ATAD2: variants seen among roughly 807,000 people sequenced by gnomAD.
ATAD2 encodes the protein ATPase family AAA domain containing 2.
In ATAD2, 62 loss-of-function variants were observed where a neutral mutation model predicts 168.9. The observed-to-expected ratio is 0.37, with a 90% CI of 0.30 to 0.45. ATAD2 has a LOEUF of 0.45. Among genes scored for constraint, ATAD2 ranks in the 20% least tolerant of loss-of-function variants. The pLI is 1.00. For missense variants in ATAD2, 1,419 were observed against 1,667.8 expected (o/e 0.85, Z 2.60); for synonymous variants, 613 against 571.6 (o/e 1.07, Z -1.03).
At chr8:123,386,993 G>A (rs996535188) in intron 1 of ATAD2, among the ~76,000 whole-genome samples, 7 of 151,168 alleles carry the variant, frequency 4.6e-5, no homozygotes, top group African/African-American at 7.3e-5. Context: ...TTCAAAAACA[G>A]TTCTAACAAA....
Position 123,396,252 on chromosome 8 carries a change from G to C in ATAD2, c.106C>G (p.Arg36Gly), listed in dbSNP as rs775076861. 3.1e-6 allele frequency: 5 copies of C among 1,609,180 alleles called. No individual in the cohort carries two copies. The highest frequency in any genetic ancestry group is 4.2e-6 in the Non-Finnish European group (5 of 1,179,204). Residue 36 changes from arginine to glycine, a missense_variant, in exon 1 of 28, where the codon CGG (arginine) becomes GGG (glycine). By Grantham distance (125) the Arg-to-Gly change is moderately radical (BLOSUM62 -2). Transcript: ENST00000287394. ...SDFLSLEHIG[R>G]RRLRSAGAAQ... ...GCGCCGGCCGAGCGGAGCCGCCTCC[G>C]GCCGATGTGCTCCAGACTGAGGAAG...
rs964770101 is a variant in ATAD2, at chr8:123,347,073, G to C, written c.2212+19C>G. 16 of 1,573,886 alleles carry C rather than the reference G, an allele frequency of 1.0e-5. No homozygotes were observed. The highest frequency in any genetic ancestry group is 3.5e-5 in the South Asian group (3 of 85,924). ...CTGATTATAAAAACTAACTTTAAAT[G>C]GTCAATCAAGTTTTATACCTGAGTC... is the stretch of plus-strand genomic sequence containing the variant. On this transcript the variant is annotated intron_variant, in intron 16 of 27. Coordinates refer to ENST00000287394, the MANE Select transcript of ATAD2 (RefSeq NM_014109.4).
chr8:123,405,866 A>T (rs1813062133), intron 1 of ATAD2, among the ~76,000 whole-genome samples: 1 of 152,242 alleles, frequency 6.6e-6, no homozygotes, highest in Admixed American at 6.5e-5. Context: ...AGGTTCAAAT[A>T]TCACTTCTAC....
chr8:123,370,134 CCT>C, intron 6 of ATAD2, 110 bp from the exon 7 acceptor site: 1 of 895,676 alleles, frequency 1.1e-6, no homozygotes, highest in African/African-American at 1.7e-5. Flanking sequence ...CTTATCTACT[CCT>C]AAAAAAAAAA....
rs185658829 is a variant in ATAD2 at position 123,375,847 on chromosome 8, G to A, written c.321-3161C>T. Among the ~76,000 whole-genome samples the A allele has an allele frequency of 1.6e-3, 249 of 152,126 alleles. 1 individual carries two copies. The highest frequency in any genetic ancestry group is 6.1e-3 in the Admixed American group (93 of 15,276). On this transcript the variant is annotated intron_variant, in intron 2 of 27. Transcript: ENST00000287394. ...TTAGTGGCTGGGTGCAGTGGCTTAT[G>A]CCTGTAATCCCAGCACTTTGGGGGC...
intron 8 of ATAD2, among the ~76,000 whole-genome samples, chr8:123,364,459 A>C (rs1174024268): frequency 1.3e-5 from 2 of 152,212 alleles, no homozygotes; most frequent in African/African-American, 4.8e-5. Flanking sequence ...AAAACTAGGA[A>C]AGGACATAAC....
chr8:123,331,441 T>A (rs763436869), intron 24 of ATAD2, among the ~76,000 whole-genome samples: 1 of 152,014 alleles, frequency 6.6e-6, no homozygotes, highest in Non-Finnish European at 1.5e-5. Context: ...GGTTTCACTG[T>A]GTTGACCAGG....
intron 27 of ATAD2, among the ~76,000 whole-genome samples, chr8:123,321,478 A>C (rs989273526): frequency 6.0e-5 from 9 of 151,188 alleles, no homozygotes; most frequent in African/African-American, 2.2e-4. Flanking sequence ...AGGTATCAAT[A>C]TTATATATAT....
At chr8:123,389,782 C>T (rs1809565251) in intron 1 of ATAD2, among the ~76,000 whole-genome samples, 1 of 149,678 alleles carries the variant, frequency 6.7e-6, no homozygotes, top group Non-Finnish European at 1.5e-5. Context: ...CTAATACCAC[C>T]TTAACTTAAA....
intron 18 of ATAD2, among the ~76,000 whole-genome samples, chr8:123,345,323 C>G (rs1265621279): frequency 6.6e-6 from 1 of 151,886 alleles, no homozygotes; most frequent in African/African-American, 2.4e-5. Flanking sequence ...TTGTGGTAAT[C>G]AAAAGTAAAC....
At chr8:123,323,777 T>C (rs1298118311) in intron 26 of ATAD2, among the ~76,000 whole-genome samples, 1 of 152,176 alleles carries the variant, frequency 6.6e-6, no homozygotes, top group Non-Finnish European at 1.5e-5. Flanking sequence ...TTTATACAAA[T>C]TATTCTATAG....
intron 8 of ATAD2, among the ~76,000 whole-genome samples, chr8:123,363,262 T>C (rs1563851447): frequency 2.0e-5 from 3 of 152,312 alleles, no homozygotes; most frequent in South Asian, 4.1e-4. Context: ...TAACCTGACA[T>C]AGTACAAGGC....
intron 3 of ATAD2, 100 bp downstream of exon 3, chr8:123,372,537 A>T: frequency 2.3e-6 from 2 of 866,198 alleles, no homozygotes; most frequent in Non-Finnish European, 3.4e-6. Context: ...CAAATTATAC[A>T]CTTTAAACAT....
intron 13 of ATAD2, among the ~76,000 whole-genome samples, chr8:123,350,310 G>A (rs916961383): frequency 1.3e-5 from 2 of 152,094 alleles, no homozygotes; most frequent in Non-Finnish European, 2.9e-5. Context: ...CGGACACACA[G>A]TTCAATTCAT....
intron 11 of ATAD2, 38 bp downstream of exon 11, chr8:123,359,183 A>C (rs780728229): frequency 6.9e-7 from 1 of 1,458,640 alleles, no homozygotes; most frequent in Non-Finnish European, 9.4e-7. Context: ...AAGAATAGCA[A>C]AGATTTTCAG....
chr8:123,362,869 C>T (rs757304692), intron 8 of ATAD2, among the ~76,000 whole-genome samples: 4 of 152,152 alleles, frequency 2.6e-5, no homozygotes, highest in Non-Finnish European at 5.9e-5. Context: ...TGTCACTTAA[C>T]AGCTGTGTAA....
chr8:123,369,163 T>C lies in ATAD2; in HGVS notation c.944A>G (p.Gln315Arg), dbSNP rs747993217. The C allele has an allele frequency of 2.0e-6, 3 of 1,527,672 alleles. No individual in the cohort carries two copies. The highest frequency in any genetic ancestry group is 2.6e-5 in the South Asian group (2 of 75,738). 94.6% of individuals were successfully genotyped at this position (1,527,672 alleles called of 1,614,324 possible). A position where few individuals can be genotyped will look rare whatever the true frequency, so the allele number is the denominator to read the frequency against. The change falls in exon 8 of 28, where the codon CAG becomes CGG. Residue 315 changes from glutamine (Q) to arginine (R), a missense_variant. Gln to Arg is a conservative substitution (Grantham distance 43). Coordinates refer to ENST00000287394, the MANE Select transcript of ATAD2 (RefSeq NM_014109.4). Reference sequence around the variant, plus strand: ...ACTATAAAATATGTTGGGCTTTCTCTGGTGACGAGGTTCTAAAAAAAAGAA... The same window carrying C: ...ACTATAAAATATGTTGGGCTTTCTCCGGTGACGAGGTTCTAAAAAAAAGAA... ...YQAPLEKPRH[Q>R]RKPNIFYSGP...
Position 123,369,185 on chromosome 8 carries a change from A to G in ATAD2, c.932-10T>C, listed in dbSNP as rs535871563. 13 of 1,140,600 alleles carry G rather than the reference A, an allele frequency of 1.1e-5. No individual in the cohort carries two copies. In the African/African-American group the frequency reaches 1.3e-4, roughly 11 times the overall value. 70.7% of individuals were successfully genotyped at this position (1,140,600 alleles called of 1,614,324 possible). A position where few individuals can be genotyped will look rare whatever the true frequency, so the allele number is the denominator to read the frequency against. ...CTCTGGTGACGAGGTTCTAAAAAAA[A>G]GAAATATATATATATATTTGTATAT... On this transcript the variant is annotated splice_polypyrimidine_tract_variant and intron_variant, in intron 7 of 27. Transcript: ENST00000287394.
intron 1 of ATAD2, among the ~76,000 whole-genome samples, chr8:123,391,545 G>A (rs1433133343): frequency 9.0e-6 from 1 of 110,968 alleles, no homozygotes; most frequent in Non-Finnish European, 1.8e-5. Flanking sequence ...AAAAATTCAA[G>A]TTAATGAATT....
Sources: allele counts gnomAD v4.1 joint callset (sites outside exome capture counted in the v4.1 genomes callset), GRCh38; gene constraint gnomAD v4.1.1; transcripts MANE v1.5; gene names NCBI Gene and HGNC (gene_info 2026-07-23, HGNC 2026-07-21).